RASEF: variants seen among roughly 807,000 people sequenced by gnomAD.
The protein encoded by RASEF is RAS and EF-hand domain containing.
Under a neutral mutation model 90.1 loss-of-function variants are expected in RASEF, and 68 were observed. The observed-to-expected ratio is 0.75, with a 90% CI of 0.62 to 0.92. RASEF has a LOEUF of 0.92. RASEF is among the 40% of genes least tolerant of loss of function. The pLI, the probability that RASEF is intolerant of heterozygous loss-of-function variation, is 0.00. For missense variants in RASEF, 949 were observed against 937.2 expected (o/e 1.01, Z -0.16); for synonymous variants, 331 against 345.2 (o/e 0.96, Z 0.46).
At chr9:83,002,228 T>G (rs1829053166) in intron 9 of RASEF, among the ~76,000 whole-genome samples, 2 of 152,192 alleles carry the variant, frequency 1.3e-5, no homozygotes, top group African/African-American at 2.4e-5. Context: ...TGGATATGCT[T>G]AGATGAGAGA....
At chr9:83,124,190 T>G in the RASEF span, among the ~76,000 whole-genome samples, 1 of 152,236 alleles carries the variant, frequency 6.6e-6, no homozygotes, top group African/African-American at 2.4e-5. Context: ...ATTTCTCCAT[T>G]CATCTGTTGA....
intron 1 of RASEF, among the ~76,000 whole-genome samples, chr9:83,034,772 A>G (rs745721103): frequency 6.6e-6 from 1 of 152,184 alleles, no homozygotes; most frequent in Non-Finnish European, 1.5e-5. Context: ...TGCTTCCTCC[A>G]CCACATCTGC....
the RASEF span, among the ~76,000 whole-genome samples, chr9:83,108,730 G>A: frequency 2.9e-4 from 44 of 152,254 alleles, no homozygotes; most frequent in Middle Eastern, 3.4e-3. Flanking sequence ...CCATCCACAG[G>A]TGGGCTCTCT....
Position 83,011,577 on chromosome 9 carries a change from CTG to C in RASEF, c.843+855_843+856del, listed in dbSNP as rs1270010404. 3.3e-3 allele frequency among the ~76,000 whole-genome samples: 235 copies of C among 71,004 alleles called. 3 individuals carry two copies. Among genetic ancestry groups the C allele is most frequent in the African/African-American group, 0.012 (221 of 18,320 alleles). 46.6% of individuals were successfully genotyped at this position (71,004 alleles called of 152,430 possible). ...AAAAAAAAAAAAAAAAAAAAAAAAA[CTG>C]AAATTTTATAGACTCCAAAATTAAT... is the stretch of plus-strand genomic sequence containing the variant. On this transcript the variant is annotated intron_variant, in intron 5 of 16. Transcript: ENST00000376447.
At chr9:83,144,756 C>T in the RASEF span, among the ~76,000 whole-genome samples, 3,756 of 152,306 alleles carry the variant, frequency 0.025, 65 homozygotes, top group South Asian at 0.045. Flanking sequence ...CTAACAGTCA[C>T]TCCCTACAGT....
chr9:83,020,828 A>C lies in RASEF; in HGVS notation c.669+1508T>G, dbSNP rs187128349. On this transcript the variant is annotated intron_variant, in intron 3 of 16. Coordinates refer to ENST00000376447, the MANE Select transcript of RASEF (RefSeq NM_152573.4). ...CACGTGCTTGATAAGTGTTTGATGA[A>C]TGAATTTGTGCACAGATTAAACACA... Among the ~76,000 whole-genome samples, 5 of 152,296 alleles carry C rather than the reference A, an allele frequency of 3.3e-5. No homozygotes were observed. In the East Asian group the frequency reaches 9.7e-4, roughly 29 times the overall value.
At chr9:83,216,636 T>A in the RASEF span, among the ~76,000 whole-genome samples, 1 of 152,068 alleles carries the variant, frequency 6.6e-6, no homozygotes, top group Admixed American at 6.5e-5. Flanking sequence ...GCTAGGGCAG[T>A]GCGAAAGGGA....
intron 12 of RASEF, 138 bp from the exon 13 acceptor site, chr9:82,998,584 G>A (rs1411997957): frequency 1.2e-5 from 7 of 601,436 alleles, no homozygotes; most frequent in African/African-American, 3.7e-5. Context: ...GACCTTTAAG[G>A]AGAGTGACCT....
In RASEF at chr9:82,979,898, T is replaced by C. The variant is rs988756124; in HGVS notation, c.*2779A>G. ...CTGTACAAATATGAAAATAAATCTTTATCTTTAACCTCAATTTTATCTTCA... is the reference window on the plus strand; with the variant it reads ...CTGTACAAATATGAAAATAAATCTTCATCTTTAACCTCAATTTTATCTTCA... On this transcript the variant is annotated 3_prime_UTR_variant, in exon 17 of 17. Coordinates refer to ENST00000376447, the MANE Select transcript of RASEF (RefSeq NM_152573.4). The C allele has an allele frequency of 1.3e-5, 2 of 152,340 alleles. No individual in the cohort carries two copies. The highest frequency in any genetic ancestry group is 4.8e-5 in the African/African-American group (2 of 41,594). 9.4% of individuals were successfully genotyped at this position (152,340 alleles called of 1,614,324 possible).
chr9:83,000,310 G>A lies in RASEF; in HGVS notation c.1582C>T (p.Leu528=), dbSNP rs759481478. Residue 528 remains leucine (L), a synonymous_variant, in exon 12 of 17, where the codon CTG becomes TTG. Coordinates refer to ENST00000376447, the MANE Select transcript of RASEF (RefSeq NM_152573.4). ...PISALSPQTD[L]VDDNAKSFSS... Reference sequence around the variant, plus strand: ...AAAGATTTAGCGTTGTCATCTACCAGGTCTGTCTGGGGGGAAAAGCCACAG... The same window carrying A: ...AAAGATTTAGCGTTGTCATCTACCAAGTCTGTCTGGGGGGAAAAGCCACAG... 1 of 1,613,514 alleles carries A rather than the reference G, an allele frequency of 6.2e-7. No homozygotes were observed. Among genetic ancestry groups the A allele is most frequent in the South Asian group, 1.1e-5 (1 of 90,968 alleles).
chr9:82,993,057 A>G, intron 14 of RASEF, 32 bp from the exon 15 acceptor site: 2 of 1,607,938 alleles, frequency 1.2e-6, no homozygotes. Context: ...TGGGGCACAC[A>G]TCAAACACTG....
chr9:83,095,728 T>C, the RASEF span, among the ~76,000 whole-genome samples: 3 of 152,014 alleles, frequency 2.0e-5, no homozygotes, highest in Non-Finnish European at 4.4e-5. Flanking sequence ...TTATCACGTA[T>C]TTTCTCTGTT....
the RASEF span, among the ~76,000 whole-genome samples, chr9:83,092,239 C>T: frequency 6.6e-6 from 1 of 151,986 alleles, no homozygotes; most frequent in African/African-American, 2.4e-5. Context: ...CCAATTATGT[C>T]CCTCCAAATT....
the RASEF span, among the ~76,000 whole-genome samples, chr9:83,163,271 C>T: frequency 6.6e-6 from 1 of 152,158 alleles, no homozygotes; most frequent in Non-Finnish European, 1.5e-5. Context: ...CACCTAATCA[C>T]CACATGACTA....
the RASEF span, among the ~76,000 whole-genome samples, chr9:83,194,996 A>G: frequency 1.3e-5 from 2 of 152,226 alleles, no homozygotes; most frequent in African/African-American, 4.8e-5. Context: ...GAATAGTATT[A>G]GAAAACAAGA....
At chr9:83,018,412 C>T (rs925541954) in intron 3 of RASEF, among the ~76,000 whole-genome samples, 2 of 152,066 alleles carry the variant, frequency 1.3e-5, no homozygotes, top group African/African-American at 4.8e-5. Context: ...CTAAGATGTA[C>T]AAGATCTGTA....
the RASEF span, among the ~76,000 whole-genome samples, chr9:83,172,670 C>T: frequency 4.0e-5 from 6 of 151,666 alleles, no homozygotes; most frequent in African/African-American, 7.3e-5. Context: ...AACTTCATTC[C>T]CCCATTTTCT....
chr9:83,043,184 C>T (rs1829869765), intron 1 of RASEF, among the ~76,000 whole-genome samples: 1 of 152,168 alleles, frequency 6.6e-6, no homozygotes, highest in Non-Finnish European at 1.5e-5. Context: ...AGAAATTATC[C>T]AAATGGACAT....
the RASEF span, among the ~76,000 whole-genome samples, chr9:83,099,032 G>A: frequency 1.3e-5 from 2 of 152,158 alleles, no homozygotes; most frequent in African/African-American, 2.4e-5. Flanking sequence ...CACACCCACA[G>A]AGAAAGGATA....
Sources: gnomAD v4.1 joint callset for allele counts (sites outside exome capture counted in the v4.1 genomes callset) on GRCh38, gnomAD v4.1.1 for gene constraint, MANE v1.5 for transcripts, NCBI Gene and HGNC (gene_info 2026-07-23, HGNC 2026-07-21) for gene names.